OLAH: variants seen among roughly 807,000 people sequenced by gnomAD.
OLAH encodes S-acyl fatty acid synthase thioesterase, medium chain.
In OLAH, 33 loss-of-function variants were observed where a neutral mutation model predicts 27.8. The ratio of observed to expected loss-of-function variants is 1.19; its 90% CI spans 0.90 to 1.59. The LOEUF (loss-of-function observed/expected upper bound fraction) is 1.59, where lower values mean the gene tolerates loss of function less well. OLAH is among the 40% of genes most tolerant of loss of function. The pLI, the probability that OLAH is intolerant of heterozygous loss-of-function variation, is 0.00. For missense variants in OLAH, 359 were observed against 310.8 expected (o/e 1.16, Z -1.17); for synonymous variants, 120 against 102.9 (o/e 1.17, Z -1.01).
chr10:15,064,545 G>A, intron 5 of OLAH, 43 bp downstream of exon 5: 1 of 1,075,430 alleles, frequency 9.3e-7, no homozygotes, highest in Non-Finnish European at 1.4e-6. Flanking sequence ...GTGGAGAGCA[G>A]GGAAATGGGG....
chr10:15,041,732 C>G (rs1207929750), upstream of OLAH, among the ~76,000 whole-genome samples: 1 of 151,404 alleles, frequency 6.6e-6, no homozygotes, highest in Non-Finnish European at 1.5e-5. Context: ...TGCACCATGA[C>G]ATCTGGCTGA....
chr10:15,050,130 C>A (rs942981228), intron 3 of OLAH, among the ~76,000 whole-genome samples: 1 of 152,200 alleles, frequency 6.6e-6, no homozygotes, highest in Admixed American at 6.6e-5. Context: ...TAAAAGACTG[C>A]TATAAATCCA....
At chr10:15,037,983 G>C (rs1020579635) in intron 1 of OLAH, among the ~76,000 whole-genome samples, 1 of 152,250 alleles carries the variant, frequency 6.6e-6, no homozygotes, top group African/African-American at 2.4e-5. Flanking sequence ...GCAGGTGCTT[G>C]CGAATCTTGG....
chr10:15,038,470 C>T (rs140461342), intron 1 of OLAH, among the ~76,000 whole-genome samples: 5 of 152,222 alleles, frequency 3.3e-5, no homozygotes, highest in South Asian at 2.1e-4. Flanking sequence ...ACGTGTTATG[C>T]GAGAAACCCA....
intron 4 of OLAH, among the ~76,000 whole-genome samples, chr10:15,062,660 T>C (rs1392705101): frequency 6.6e-6 from 1 of 151,848 alleles, no homozygotes; most frequent in East Asian, 1.9e-4. Context: ...CATTGCTTCA[T>C]GATTTGTTTG....
chr10:15,032,620 C>CAAAAAAAAAAA (rs71390005), intron 1 of OLAH, among the ~76,000 whole-genome samples: 1 of 95,656 alleles, frequency 1.0e-5, no homozygotes. Context: ...GACTCAGTTT[C>CAAAAAAAAAAA]AAAAAAAAAA....
chr10:15,051,844 G>T (rs1844150127), intron 3 of OLAH, among the ~76,000 whole-genome samples: 1 of 152,084 alleles, frequency 6.6e-6, no homozygotes, highest in Admixed American at 6.6e-5. Context: ...TCTGTAAACG[G>T]CCCAATAGTA....
intron 1 of OLAH, among the ~76,000 whole-genome samples, chr10:15,046,577 C>G (rs571355581): frequency 6.6e-6 from 1 of 152,000 alleles, no homozygotes; most frequent in Admixed American, 6.6e-5. Flanking sequence ...AAGCGATTCT[C>G]CTGCCTCAGC....
intron 1 of OLAH, among the ~76,000 whole-genome samples, chr10:15,034,318 A>G (rs1197124827): frequency 6.6e-6 from 1 of 151,926 alleles, no homozygotes; most frequent in Non-Finnish European, 1.5e-5. Flanking sequence ...TTTTTAGTAG[A>G]GACGGGGTTT....
intron 4 of OLAH, 41 bp from the exon 5 acceptor site, chr10:15,064,362 T>C (rs1444898850): frequency 2.3e-5 from 28 of 1,216,052 alleles, no homozygotes; most frequent in Non-Finnish European, 3.2e-5. Flanking sequence ...TCACGAGTTT[T>C]GCTTAACAGT....
At position 15,071,790 on chromosome 10, in the gene OLAH, T is replaced by A. The variant is rs777553953; in HGVS notation, c.573-5T>A. The A allele has an allele frequency of 2.5e-6, 4 of 1,607,220 alleles. No homozygotes were observed. The highest frequency in any genetic ancestry group is 3.4e-6 in the Non-Finnish European group (4 of 1,174,972). On this transcript the variant is annotated splice_polypyrimidine_tract_variant and splice_region_variant and intron_variant, in intron 6 of 7. Coordinates refer to ENST00000378228, the MANE Select transcript of OLAH (RefSeq NM_001039702.3). ...AATTACTAACCAGCTCTTTTATGTT[T>A]ATAGCTCTAACGTACCATCTAAGGC...
intron 6 of OLAH, 123 bp from the exon 7 acceptor site, chr10:15,071,672 C>T (rs946015287): frequency 1.4e-6 from 2 of 1,420,854 alleles, no homozygotes; most frequent in Middle Eastern, 2.3e-4. Context: ...AAATGTTTTA[C>T]ACTGCTAGAG....
At chr10:15,061,932 C>T (rs769059148) in intron 4 of OLAH, 70 bp downstream of exon 4, 196 of 1,480,440 alleles carry the variant, frequency 1.3e-4, no homozygotes, top group Non-Finnish European at 1.6e-4. Context: ...TAATGTTATT[C>T]TTTGTGTTTT....
intron 1 of OLAH, among the ~76,000 whole-genome samples, chr10:15,036,600 C>T (rs1047635072): frequency 5.3e-5 from 8 of 152,110 alleles, no homozygotes; most frequent in African/African-American, 1.9e-4. Context: ...GACATCCTCC[C>T]CTCCTTGGCC....
At chr10:15,036,584 G>A (rs1056798920) in intron 1 of OLAH, among the ~76,000 whole-genome samples, 23 of 152,110 alleles carry the variant, frequency 1.5e-4, no homozygotes, top group African/African-American at 5.6e-4. Context: ...AAACTCCTGG[G>A]CTCAAGACAT....
At position 15,073,286 on chromosome 10, in the gene OLAH, T is replaced by C; in HGVS notation, c.*57T>C. 8.7e-7 allele frequency: 1 copy of C among 1,150,842 alleles called. No individual in the cohort carries two copies. The highest frequency in any genetic ancestry group is 1.3e-6 in the Non-Finnish European group (1 of 794,102). 71.3% of individuals were successfully genotyped at this position (1,150,842 alleles called of 1,614,324 possible). ...AGTAATATCATACTCTTCTCAGTTATTCAGATATAGCTCAGTTTTATTCAG... is the reference window on the plus strand; with the variant it reads ...AGTAATATCATACTCTTCTCAGTTACTCAGATATAGCTCAGTTTTATTCAG... On this transcript the variant is annotated 3_prime_UTR_variant, in exon 8 of 8. Coordinates refer to ENST00000378228, the MANE Select transcript of OLAH (RefSeq NM_001039702.3).
intron 3 of OLAH, among the ~76,000 whole-genome samples, chr10:15,061,326 T>C (rs1019169625): frequency 1.1e-4 from 16 of 152,196 alleles, no homozygotes; most frequent in Non-Finnish European, 2.2e-4. Flanking sequence ...AGGACTCAGT[T>C]CTAACTCTCA....
At chr10:15,041,262 TTTTTTATTTTTA>T (rs915452187), upstream of OLAH, among the ~76,000 whole-genome samples, 1 of 151,108 alleles carries the variant, frequency 6.6e-6, no homozygotes, top group Non-Finnish European at 1.5e-5. Context: ...TTCCACACCT[TTTTTTATTTTTA>T]TTTTTATTTT....
At chr10:15,051,843 G>A (rs531561320) in intron 3 of OLAH, among the ~76,000 whole-genome samples, 19 of 152,128 alleles carry the variant, frequency 1.2e-4, no homozygotes, top group African/African-American at 4.1e-4. Context: ...TTCTGTAAAC[G>A]GCCCAATAGT....
Sources: allele counts gnomAD v4.1 joint callset (sites outside exome capture counted in the v4.1 genomes callset), GRCh38; gene constraint gnomAD v4.1.1; transcripts MANE v1.5; gene names NCBI Gene and HGNC (gene_info 2026-07-23, HGNC 2026-07-21).